Variants in PIGL observed in about 807,000 individuals in gnomAD.
PIGL encodes the protein phosphatidylinositol glycan anchor biosynthesis class L.
In PIGL, 22 loss-of-function variants were observed where a neutral mutation model predicts 31.1. The observed-to-expected ratio is 0.71, with a 90% CI of 0.51 to 1.01. PIGL has a LOEUF of 1.01. Among genes scored for constraint, PIGL ranks in the 50% least tolerant of loss-of-function variants. The pLI is 0.00. For missense variants in PIGL, 302 were observed against 315.9 expected (o/e 0.96, Z 0.33); for synonymous variants, 131 against 117.4 (o/e 1.12, Z -0.75).
intron 3 of PIGL, among the ~76,000 whole-genome samples, chr17:16,306,402 C>G (rs2093026262): frequency 6.6e-6 from 1 of 151,980 alleles, no homozygotes. Flanking sequence ...GCCCAAGGTG[C>G]TGTAATTAAC....
At chr17:16,317,103 A>C in intron 5 of PIGL, 1 of 1,051,716 alleles carries the variant, frequency 9.5e-7, no homozygotes, top group African/African-American at 1.6e-5. Context: ...CCTAACCCAC[A>C]TAAAGTATTT....
intron 3 of PIGL, among the ~76,000 whole-genome samples, chr17:16,311,297 C>CT (rs141385032): frequency 0.47 from 69,377 of 147,460 alleles, 16,730 homozygotes; most frequent in Middle Eastern, 0.53. Flanking sequence ...TTTGTTTTTT[C>CT]TTTTTTTTAG....
chr17:16,325,332 C>CAAAAAAAA (rs55958956), intron 6 of PIGL, among the ~76,000 whole-genome samples: 2 of 69,278 alleles, frequency 2.9e-5, no homozygotes, highest in Admixed American at 1.7e-4. Flanking sequence ...GCAACAGGCT[C>CAAAAAAAA]AAAAAAAAAA....
rs77198349 is a variant in PIGL at position 16,273,832 on chromosome 17, G to T, written c.336-26056G>T. ...ACCAAAAATATCACTCTGCCTAAAG[G>T]GGGGAAACATTTCTTTGAGGGAAAA... On this transcript the variant is annotated intron_variant, in intron 2 of 6. Transcript: ENST00000225609. Among the ~76,000 whole-genome samples, 116 of 152,284 alleles carry T rather than the reference G, an allele frequency of 7.6e-4. 3 individuals are homozygous for T. The highest frequency in any genetic ancestry group is 2.7e-3 in the African/African-American group (112 of 41,544).
chr17:16,265,827 C>T lies in PIGL; in HGVS notation c.335+31757C>T, dbSNP rs1374658159. On this transcript the variant is annotated intron_variant, in intron 2 of 6. Transcript: ENST00000225609. Reference sequence around the variant, plus strand: ...TTAAGGAGAGTTTCTGGGCTTCAGACCCCGCATTTCCCCCCATGCCCTGAA... The same window carrying T: ...TTAAGGAGAGTTTCTGGGCTTCAGATCCCGCATTTCCCCCCATGCCCTGAA... Among the ~76,000 whole-genome samples, 3 of 152,082 alleles carry T rather than the reference C, an allele frequency of 2.0e-5. No homozygotes were observed. The East Asian group carries it at 5.8e-4, about 29-fold the overall frequency.
chr17:16,235,432 G>A (rs1045995244), intron 2 of PIGL, among the ~76,000 whole-genome samples: 4 of 128,292 alleles, frequency 3.1e-5, no homozygotes, highest in East Asian at 2.2e-4. Context: ...GTATGTCTAC[G>A]TTCTTTTTTT....
At chr17:16,322,950 T>G (rs1313957689) in intron 6 of PIGL, among the ~76,000 whole-genome samples, 2 of 152,224 alleles carry the variant, frequency 1.3e-5, no homozygotes, top group Admixed American at 6.5e-5. Context: ...GTAATGTGCC[T>G]TATGTGGGTT....
intron 2 of PIGL, among the ~76,000 whole-genome samples, chr17:16,249,730 A>G (rs546769885): frequency 6.6e-6 from 1 of 152,348 alleles, no homozygotes; most frequent in East Asian, 1.9e-4. Context: ...AGAAGAATGT[A>G]TCCCAGCTTC....
At chr17:16,317,387 G>A in intron 5 of PIGL, 1 of 960,576 alleles carries the variant, frequency 1.0e-6, no homozygotes, top group Non-Finnish European at 1.3e-6. Context: ...CTGAGACTGA[G>A]AGTGGTTAAG....
At chr17:16,258,103 AAGAGAGAGAG>A (rs1229169258) in intron 2 of PIGL, among the ~76,000 whole-genome samples, 1 of 65,704 alleles carries the variant, frequency 1.5e-5, no homozygotes, top group Admixed American at 1.5e-4. Context: ...GAGAGAGAGA[AAGAGAGAGAG>A]AGAGAGAGAG....
intron 2 of PIGL, among the ~76,000 whole-genome samples, chr17:16,275,421 GT>G (rs1043885101): frequency 6.6e-6 from 1 of 152,166 alleles, no homozygotes; most frequent in African/African-American, 2.4e-5. Context: ...TATCAGTAAG[GT>G]CTTTATGACG....
chr17:16,250,201 T>C (rs2092765332), intron 2 of PIGL, among the ~76,000 whole-genome samples: 1 of 152,060 alleles, frequency 6.6e-6, no homozygotes, highest in African/African-American at 2.4e-5. Context: ...CCTGCCTCCT[T>C]TGTCTTGCGA....
At chr17:16,317,193 C>A (rs1298626460) in intron 5 of PIGL, 6 of 1,005,306 alleles carry the variant, frequency 6.0e-6, no homozygotes, top group Non-Finnish European at 6.0e-6. Flanking sequence ...ACCTCACCGG[C>A]GCAATACGAA....
At chr17:16,227,624 A>G (rs1600743585) in intron 1 of PIGL, among the ~76,000 whole-genome samples, 1 of 115,410 alleles carries the variant, frequency 8.7e-6, no homozygotes. Flanking sequence ...CTTGTTGCCC[A>G]GGCTGGAGTA....
chr17:16,239,827 C>A (rs906879468), intron 2 of PIGL, among the ~76,000 whole-genome samples: 4 of 151,922 alleles, frequency 2.6e-5, no homozygotes, highest in African/African-American at 9.7e-5. Context: ...ACGCTGACAC[C>A]CAGGCTGTTT....
intron 5 of PIGL, chr17:16,317,018 C>A (rs1198606378): frequency 1.7e-6 from 2 of 1,155,054 alleles, no homozygotes; most frequent in Non-Finnish European, 2.2e-6. Context: ...TCAATCCCAT[C>A]CCCCAACCAA....
intron 2 of PIGL, among the ~76,000 whole-genome samples, chr17:16,263,371 G>A (rs747963775): frequency 5.3e-5 from 8 of 151,820 alleles, no homozygotes; most frequent in Non-Finnish European, 8.8e-5. Flanking sequence ...GTAGATATGA[G>A]GTCTCACTAT....
chr17:16,320,977 A>G (rs1173125368), intron 6 of PIGL, among the ~76,000 whole-genome samples: 1 of 121,346 alleles, frequency 8.2e-6, no homozygotes, highest in African/African-American at 3.3e-5. Flanking sequence ...TTGCTCTGTC[A>G]CCCAGGCTGG....
intron 6 of PIGL, among the ~76,000 whole-genome samples, chr17:16,320,250 G>GAAGGAAGC (rs1251166161): frequency 6.1e-5 from 5 of 82,618 alleles, no homozygotes; most frequent in African/African-American, 2.4e-4. Flanking sequence ...AGGAAGGAAG[G>GAAGGAAGC]AAAGGAGGGA....
Sources: allele counts gnomAD v4.1 joint callset (sites outside exome capture counted in the v4.1 genomes callset), GRCh38; gene constraint gnomAD v4.1.1; transcripts MANE v1.5; gene names NCBI Gene and HGNC (gene_info 2026-07-23, HGNC 2026-07-21).